The following GPC1 variants were observed in gnomAD, a reference collection of about 807,000 sequenced individuals.
GPC1 encodes the protein glypican 1.
GPC1 carries 26 observed loss-of-function variants against 51.5 expected under a neutral mutation model. The observed-to-expected ratio is 0.50, with a 90% CI of 0.37 to 0.70. The LOEUF is 0.70. GPC1 is among the 30% of genes least tolerant of loss of function. GPC1 has a pLI of 0.00. For missense variants in GPC1, 775 were observed against 800.5 expected (o/e 0.97, Z 0.38); for synonymous variants, 380 against 348.3 (o/e 1.09, Z -1.01).
rs1165282779 is a variant in GPC1 at position 240,462,321 on chromosome 2, C to T, written c.456C>T (p.Tyr152=). Residue 152 remains tyrosine, a synonymous_variant, in exon 3 of 9, where the codon TAC becomes TAT. Coordinates refer to ENST00000264039, the MANE Select transcript of GPC1 (RefSeq NM_002081.3). Reference sequence around the variant, plus strand: ...TGTACTCAGAGCTGCGCCTGTACTACCGCGGTGCCAACCTGCACCTGGAGG... The same window carrying T: ...TGTACTCAGAGCTGCGCCTGTACTATCGCGGTGCCAACCTGCACCTGGAGG... The part of the protein sequence containing the change: ...RDLYSELRLY[Y]RGANLHLEET... 5 of 1,606,422 alleles carry T rather than the reference C, an allele frequency of 3.1e-6. No individual in the cohort carries two copies. The Admixed American group carries it at 8.4e-5, about 27-fold the overall frequency.
At position 240,464,960 on chromosome 2, in the gene GPC1, C is replaced by T; in HGVS notation, c.1119C>T (p.Gly373=). The T allele has an allele frequency of 6.4e-7, 1 of 1,553,410 alleles. No homozygotes were observed. Among genetic ancestry groups the T allele is most frequent in the Non-Finnish European group, 8.7e-7 (1 of 1,148,704 alleles). Residue 373 remains glycine, a synonymous_variant, in exon 6 of 9, where the codon GGC becomes GGT. Coordinates refer to ENST00000264039, the MANE Select transcript of GPC1 (RefSeq NM_002081.3). The part of the protein sequence containing the change: ...KLAPRERPPS[G]TLEKLVSEAK... The stretch of plus-strand genomic sequence containing the variant: ...CCCCGCGGGAGAGGCCACCTTCAGG[C>T]ACGCTGGAGAAGCTGGTGAGTGGCC...
chr2:240,464,211 G>T (rs1214429784), intron 4 of GPC1: 6 of 262,346 alleles, frequency 2.3e-5, no homozygotes, highest in East Asian at 9.1e-5. Flanking sequence ...GTGTACATGG[G>T]GGGGGCATGA....
chr2:240,465,335 C>T (rs1009899736), intron 7 of GPC1, 125 bp downstream of exon 7: 83 of 1,337,774 alleles, frequency 6.2e-5, no homozygotes, highest in South Asian at 4.1e-4. Context: ...CACTTCTCTG[C>T]GGCCTGTGTG....
At chr2:240,440,860 G>A (rs182782518) in intron 1 of GPC1, among the ~76,000 whole-genome samples, 1 of 152,248 alleles carries the variant, frequency 6.6e-6, no homozygotes, top group Non-Finnish European at 1.5e-5. Flanking sequence ...CCACACAGCT[G>A]GGCCTCACCC....
chr2:240,464,817 G>GC (rs904641736), intron 5 of GPC1, 39 bp from the exon 6 acceptor site: 1 of 1,565,134 alleles, frequency 6.4e-7, no homozygotes, highest in African/African-American at 1.4e-5. Flanking sequence ...GGCTTGAGGG[G>GC]CCCCACTACC....
chr2:240,437,681 TC>T (rs2151784389), intron 1 of GPC1, among the ~76,000 whole-genome samples: 1 of 152,306 alleles, frequency 6.6e-6, no homozygotes, highest in East Asian at 1.9e-4. Flanking sequence ...TCCCTGGCCT[TC>T]CTGGTGAATC....
At chr2:240,442,318 T>A (rs1207051490) in intron 1 of GPC1, 1 of 152,242 alleles carries the variant, frequency 6.6e-6, no homozygotes, top group Admixed American at 6.5e-5. Context: ...GTGCCGGGGT[T>A]GGGAGCACAA....
chr2:240,452,914 C>G (rs1377941912), intron 1 of GPC1: 1 of 289,540 alleles, frequency 3.5e-6, no homozygotes, highest in Admixed American at 4.4e-5. Context: ...CTTTTCGCCT[C>G]CTGCGAGCCC....
At chr2:240,443,526 G>A (rs906547495) in intron 1 of GPC1, among the ~76,000 whole-genome samples, 108 of 152,278 alleles carry the variant, frequency 7.1e-4, no homozygotes, top group African/African-American at 1.9e-3. Context: ...TCAGGAGGAG[G>A]AGACCTCCCA....
Position 240,465,104 on chromosome 2 carries a change from G to C in GPC1, c.1162G>C (p.Asp388His). ...CTCCGAAGCCAAGGCCCAGCTCCGC[G>C]ACGTCCAGGACTTCTGGATCAGCCT... Reference protein sequence around the residue: ...LVSEAKAQLRDVQDFWISLPG... With the variant: ...LVSEAKAQLRHVQDFWISLPG... Residue 388 changes from aspartate to histidine, a missense_variant, in exon 7 of 9, where the codon GAC becomes CAC. Asp to His is a moderately conservative substitution (Grantham distance 81). Transcript: ENST00000264039. 6.2e-7 allele frequency: 1 copy of C among 1,610,436 alleles called. No individual in the cohort carries two copies. Among genetic ancestry groups the C allele is most frequent in the Non-Finnish European group, 8.5e-7 (1 of 1,179,034 alleles).
At chr2:240,449,863 C>T (rs547270070) in intron 1 of GPC1, 32 of 470,722 alleles carry the variant, frequency 6.8e-5, no homozygotes, top group Admixed American at 5.4e-4. Context: ...TCCTCCACGC[C>T]GGAGCATGTG....
intron 1 of GPC1, among the ~76,000 whole-genome samples, chr2:240,440,826 C>T (rs1001583801): frequency 2.0e-5 from 3 of 152,248 alleles, no homozygotes; most frequent in Admixed American, 6.5e-5. Context: ...TCCTCCTGGC[C>T]GTGCCGCCCA....
intron 1 of GPC1, among the ~76,000 whole-genome samples, chr2:240,455,559 G>A (rs536672484): frequency 7.3e-4 from 111 of 152,316 alleles, no homozygotes; most frequent in Middle Eastern, 6.8e-3. Context: ...GGAAGGAGAG[G>A]GAGAGGGACA....
chr2:240,461,746 G>C (rs1326199268), intron 2 of GPC1, among the ~76,000 whole-genome samples: 1 of 152,122 alleles, frequency 6.6e-6, no homozygotes, highest in African/African-American at 2.4e-5. Context: ...AGGCGGCTGG[G>C]GCCACGGGGA....
rs200573809 is a variant in GPC1, at chr2:240,463,558, G to A, written c.883+46G>A. ...GCGGCCTGGAACTGTCTTGGGGAGTGCACGACTGGGGGTCCTGGGGGGCGG... is the reference window on the plus strand; with the variant it reads ...GCGGCCTGGAACTGTCTTGGGGAGTACACGACTGGGGGTCCTGGGGGGCGG... On this transcript the variant is annotated intron_variant, in intron 4 of 8. Coordinates refer to ENST00000264039, the MANE Select transcript of GPC1 (RefSeq NM_002081.3). 84 of 1,555,666 alleles carry A rather than the reference G, an allele frequency of 5.4e-5. No homozygotes were observed. In the East Asian group the frequency reaches 1.8e-3, roughly 34 times the overall value.
rs1035218229 is a variant in GPC1, at chr2:240,435,790, C to T, written c.-129C>T. 3 of 550,164 alleles carry T rather than the reference C, an allele frequency of 5.5e-6. No homozygotes were observed. Among genetic ancestry groups the T allele is most frequent in the Non-Finnish European group, 7.9e-6 (3 of 379,910 alleles). The allele number at this position is 550,164 out of a possible 1,614,324, so 34.1% of individuals were successfully genotyped here. Reference sequence around the variant, plus strand: ...GTTGTCTCCGCCTCCTCGGCCGCCGCCGCCTCTGGACCGCGAGCCGCGCGC... The same window carrying T: ...GTTGTCTCCGCCTCCTCGGCCGCCGTCGCCTCTGGACCGCGAGCCGCGCGC... On this transcript the variant is annotated 5_prime_UTR_variant, in exon 1 of 9. Coordinates refer to ENST00000264039, the MANE Select transcript of GPC1 (RefSeq NM_002081.3).
chr2:240,447,083 G>A (rs575180012), intron 1 of GPC1, among the ~76,000 whole-genome samples: 23 of 152,278 alleles, frequency 1.5e-4, no homozygotes, highest in African/African-American at 5.3e-4. Flanking sequence ...GCTTCACCCC[G>A]TTTCTGAGTA....
intron 1 of GPC1, among the ~76,000 whole-genome samples, chr2:240,445,854 T>C (rs536326577): frequency 6.6e-6 from 1 of 152,314 alleles, no homozygotes; most frequent in South Asian, 2.1e-4. Context: ...ACTGTGACTT[T>C]GAATTGTAGT....
intron 3 of GPC1, 148 bp downstream of exon 3, chr2:240,462,730 C>A: frequency 2.9e-6 from 2 of 685,942 alleles, no homozygotes; most frequent in Non-Finnish European, 4.7e-6. Context: ...GTCCCTCCTG[C>A]ATTGGCTGCT....
Sources: gnomAD v4.1 joint callset for allele counts (sites outside exome capture counted in the v4.1 genomes callset) on GRCh38, gnomAD v4.1.1 for gene constraint, MANE v1.5 for transcripts, NCBI Gene and HGNC (gene_info 2026-07-23, HGNC 2026-07-21) for gene names.